Variants in NFATC2 observed in about 807,000 individuals in gnomAD.
NFATC2 encodes the protein nuclear factor of activated T cells 2.
In NFATC2, 22 loss-of-function variants were observed where a neutral mutation model predicts 87.3. The ratio of observed to expected loss-of-function variants is 0.25; its 90% CI spans 0.18 to 0.36. The LOEUF (loss-of-function observed/expected upper bound fraction) is 0.36. NFATC2 is among the 10% of genes least tolerant of loss of function. The pLI, the probability that NFATC2 is intolerant of heterozygous loss-of-function variation, is 1.00. For missense variants in NFATC2, 1,149 were observed against 1,259.1 expected (o/e 0.91, Z 1.32); for synonymous variants, 565 against 542.2 (o/e 1.04, Z -0.58).
At chr20:51,552,405 T>C (rs1368759581) in intron 1 of NFATC2, among the ~76,000 whole-genome samples, 1 of 152,224 alleles carries the variant, frequency 6.6e-6, no homozygotes, top group East Asian at 1.9e-4. Flanking sequence ...CTCATGCTCT[T>C]GCAAAGCCAT....
At chr20:51,416,018 T>G (rs933933731) in intron 9 of NFATC2, among the ~76,000 whole-genome samples, 1 of 151,714 alleles carries the variant, frequency 6.6e-6, no homozygotes, top group Non-Finnish European at 1.5e-5. Flanking sequence ...TCCCAGCACT[T>G]TGGGAGGCCG....
chr20:51,482,236 C>A (rs1402473982), intron 3 of NFATC2, among the ~76,000 whole-genome samples: 1 of 151,990 alleles, frequency 6.6e-6, no homozygotes, highest in African/African-American at 2.4e-5. Flanking sequence ...AGACCCTCAG[C>A]GTCAAAGAGA....
intron 5 of NFATC2, among the ~76,000 whole-genome samples, chr20:51,460,088 T>C (rs1986985297): frequency 6.6e-6 from 1 of 152,226 alleles, no homozygotes; most frequent in Non-Finnish European, 1.5e-5. Context: ...CAGTAACAAC[T>C]CAAGACATGA....
intron 10 of NFATC2, among the ~76,000 whole-genome samples, chr20:51,396,935 T>TC (rs1418577408): frequency 1.3e-5 from 2 of 152,092 alleles, no homozygotes; most frequent in African/African-American, 4.8e-5. Flanking sequence ...GCCTTTTTTT[T>TC]TGAGTCTCCC....
intron 6 of NFATC2, among the ~76,000 whole-genome samples, chr20:51,442,933 G>T (rs1353272075): frequency 6.6e-6 from 1 of 152,016 alleles, no homozygotes. Flanking sequence ...TTCCACCCAG[G>T]CTCAAGAGAG....
In NFATC2 at chr20:51,523,093, A is replaced by G. The variant is rs757471268; in HGVS notation, c.1148T>C (p.Ile383Thr). Residue 383 changes from isoleucine to threonine, a missense_variant, in exon 2 of 11, where the codon ATT becomes ACT. Ile to Thr is a moderately conservative substitution (Grantham distance 89). Transcript: ENST00000371564. This position sits in a 1 kb window ranked among gnomAD's most constrained non-coding sequence, Gnocchi z 6.9. ...PTWPKPLVPAIPICSIPVTAS... is the reference protein window; with the variant it reads ...PTWPKPLVPATPICSIPVTAS... Reference sequence around the variant, plus strand: ...AAGCCCTGCTCACCTGCAGATGGGAATGGCAGGCACCAGCGGCTTGGGCCA... The same window carrying G: ...AAGCCCTGCTCACCTGCAGATGGGAGTGGCAGGCACCAGCGGCTTGGGCCA... 10 of 1,614,118 alleles carry G rather than the reference A, an allele frequency of 6.2e-6. No individual in the cohort carries two copies. Among genetic ancestry groups the G allele is most frequent in the Non-Finnish European group, 8.5e-6 (10 of 1,180,056 alleles).
chr20:51,439,517 C>T (rs1189495377), intron 6 of NFATC2, among the ~76,000 whole-genome samples: 2 of 152,230 alleles, frequency 1.3e-5, no homozygotes, highest in African/African-American at 4.8e-5. Context: ...AGCCCTTCCT[C>T]GGGACGCCCC....
chr20:51,547,301 A>T (rs191505229), upstream of NFATC2, among the ~76,000 whole-genome samples: 27 of 152,258 alleles, frequency 1.8e-4, no homozygotes, highest in African/African-American at 6.5e-4. Flanking sequence ...CAAGACTCAT[A>T]GACTGTCATC....
intron 9 of NFATC2, among the ~76,000 whole-genome samples, chr20:51,401,458 T>C (rs2426299): frequency 0.92 from 140,652 of 152,304 alleles, 65,018 homozygotes; most frequent in African/African-American, 0.96. Context: ...AAAGAGGCCA[T>C]TCCAATAACC....
At chr20:51,531,228 G>A (rs1186454010) in intron 1 of NFATC2, among the ~76,000 whole-genome samples, 1 of 152,346 alleles carries the variant, frequency 6.6e-6, no homozygotes, top group East Asian at 1.9e-4. Flanking sequence ...CATGGCACAG[G>A]AGGCCTGCGC....
chr20:51,412,483 C>T (rs1979393059), intron 9 of NFATC2, among the ~76,000 whole-genome samples: 1 of 152,036 alleles, frequency 6.6e-6, no homozygotes, highest in Non-Finnish European at 1.5e-5. Context: ...AGTTCCTGGG[C>T]TGAGGCATGA....
intron 9 of NFATC2, among the ~76,000 whole-genome samples, chr20:51,414,818 G>A (rs1046220445): frequency 2.6e-5 from 4 of 152,180 alleles, no homozygotes; most frequent in Admixed American, 6.5e-5. Context: ...AGGGGTGGGC[G>A]AGGCTGATCA....
At position 51,562,601 on chromosome 20, in the gene NFATC2, C is replaced by G; in HGVS notation, c.29G>C (p.Gly10Ala). The change falls in exon 1 of 11, where the codon GGG (glycine) becomes GCG (alanine). Residue 10 changes from glycine to alanine, a missense_variant. By Grantham distance (60) the Gly-to-Ala change is moderately conservative. Coordinates refer to the NFATC2 transcript ENST00000414705. The surrounding 1 kb of genome is among the most constrained non-coding windows in gnomAD (Gnocchi z 5.8). ...CATGATGCGGAGGGGATGGCAGTGC[C>G]CCAGTCTGAACGCAGCCTCTCTCTG... 1 of 1,551,294 alleles carries G rather than the reference C, an allele frequency of 6.4e-7. No individual in the cohort carries two copies. Among genetic ancestry groups the G allele is most frequent in the Non-Finnish European group, 8.7e-7 (1 of 1,146,700 alleles).
chr20:51,543,573 G>A (rs1258546575), upstream of NFATC2, among the ~76,000 whole-genome samples: 1 of 152,208 alleles, frequency 6.6e-6, no homozygotes, highest in Non-Finnish European at 1.5e-5. Context: ...GTGCTGGAGG[G>A]AGAACGAGGA....
Position 51,443,911 on chromosome 20 carries a change from C to T in NFATC2, c.1850-8150G>A, listed in dbSNP as rs544420109. On this transcript the variant is annotated intron_variant, in intron 6 of 10. Transcript: ENST00000371564. ...TAGGTCTAGAGAAGACTTAGCACAA[C>T]TCTGCAAGTTAAAAAAAAAAACAAA... Among the ~76,000 whole-genome samples the T allele has an allele frequency of 3.3e-5, 5 of 151,672 alleles. No homozygotes were observed. In the South Asian group the frequency reaches 8.3e-4, roughly 25 times the overall value.
upstream of NFATC2, among the ~76,000 whole-genome samples, chr20:51,545,462 A>C (rs1404302631): frequency 1.3e-5 from 2 of 152,234 alleles, no homozygotes; most frequent in East Asian, 1.9e-4. Flanking sequence ...CTAGCCTGAG[A>C]TCCACTAAGG....
intron 9 of NFATC2, 75 bp from the exon 10 acceptor site, chr20:51,398,805 CATGCCG>C: frequency 9.9e-7 from 1 of 1,012,482 alleles, no homozygotes; most frequent in Non-Finnish European, 1.5e-6. Context: ...GCTTCCAACT[CATGCCG>C]ATATCATCCA....
intron 8 of NFATC2, among the ~76,000 whole-genome samples, chr20:51,434,495 C>A (rs2146348452): frequency 6.6e-6 from 1 of 152,274 alleles, no homozygotes; most frequent in South Asian, 2.1e-4. Flanking sequence ...TCCTGTCCAC[C>A]TTTTCTACAG....
intron 1 of NFATC2, among the ~76,000 whole-genome samples, chr20:51,548,904 C>T (rs1168458664): frequency 6.6e-6 from 1 of 152,254 alleles, no homozygotes; most frequent in African/African-American, 2.4e-5. Context: ...GCAGCCCAGC[C>T]TCTAGCCTGG....
Sources: allele counts gnomAD v4.1 joint callset (sites outside exome capture counted in the v4.1 genomes callset), GRCh38; gene constraint gnomAD v4.1.1; non-coding constraint Gnocchi (gnomAD v3.1); transcripts MANE v1.5; gene names NCBI Gene and HGNC (gene_info 2026-07-23, HGNC 2026-07-21).